The following ARHGAP11B variants were observed in gnomAD, a reference collection of about 807,000 sequenced individuals.
ARHGAP11B encodes the protein inactive Rho GTPase-activating protein 11B.
In ARHGAP11B, 14 loss-of-function variants were observed where a neutral mutation model predicts 27.6. The ratio of observed to expected loss-of-function variants is 0.51; its 90% CI spans 0.34 to 0.79. The LOEUF is 0.79. Ranked by LOEUF, ARHGAP11B falls within the 30% of genes least tolerant of loss-of-function variation. ARHGAP11B has a pLI of 0.02. For missense variants in ARHGAP11B, 245 were observed against 320.1 expected (o/e 0.77, Z 1.79); for synonymous variants, 82 against 114.1 (o/e 0.72, Z 1.80).
intron 6 of ARHGAP11B, among the ~76,000 whole-genome samples, chr15:30,637,992 G>A (rs1023944598): frequency 4.6e-5 from 7 of 151,504 alleles, no homozygotes; most frequent in African/African-American, 1.7e-4. Context: ...GCTAATTTTT[G>A]TATATGTAGT....
chr15:30,642,196 T>A (rs1166457089), intron 7 of ARHGAP11B, among the ~76,000 whole-genome samples: 1 of 152,026 alleles, frequency 6.6e-6, no homozygotes, highest in Non-Finnish European at 1.5e-5. Context: ...GGAAACTTTG[T>A]GAATTCTTTA....
chr15:30,629,036 T>A lies in ARHGAP11B; in HGVS notation c.130-1667T>A, dbSNP rs532506866. Reference sequence around the variant, plus strand: ...GGGGTTGCCCATACTAACATTTTTTTAAATAGTTCAGCTTAAAATGATGAT... The same window carrying A: ...GGGGTTGCCCATACTAACATTTTTTAAAATAGTTCAGCTTAAAATGATGAT... On this transcript the variant is annotated intron_variant, in intron 1 of 10. Transcript: ENST00000428041. Among the ~76,000 whole-genome samples the A allele has an allele frequency of 2.4e-3, 361 of 152,224 alleles. 1 individual carries two copies. Among genetic ancestry groups the A allele is most frequent in the African/African-American group, 7.2e-3 (301 of 41,562 alleles).
intron 2 of ARHGAP11B, among the ~76,000 whole-genome samples, chr15:30,632,647 A>T (rs1193033833): frequency 1.3e-5 from 2 of 151,090 alleles, no homozygotes; most frequent in African/African-American, 2.4e-5. Flanking sequence ...TGTGGGTCCC[A>T]GCTGTTCAAT....
intron 6 of ARHGAP11B, among the ~76,000 whole-genome samples, chr15:30,637,984 T>G (rs1216360643): frequency 1.3e-5 from 2 of 151,688 alleles, no homozygotes; most frequent in Non-Finnish European, 2.9e-5. Flanking sequence ...CATGCCTGGC[T>G]AATTTTTGTA....
chr15:30,635,188 G>T, exon 5 of ARHGAP11B: 2 of 1,613,008 alleles, frequency 1.2e-6, no homozygotes, highest in Non-Finnish European at 1.7e-6. Flanking sequence ...CAGAAAAGAA[G>T]GTACGATTAC....
At chr15:30,638,913 A>G (rs2060298326) in intron 7 of ARHGAP11B, 103 bp downstream of exon 7, 1 of 655,580 alleles carries the variant, frequency 1.5e-6, no homozygotes, top group African/African-American at 1.9e-5. Context: ...CTTAGTAATC[A>G]AATTTAGTTT....
At chr15:30,637,418 A>T (rs1567514955) in intron 6 of ARHGAP11B, among the ~76,000 whole-genome samples, 1 of 152,026 alleles carries the variant, frequency 6.6e-6, no homozygotes. Context: ...CTATCTCCAT[A>T]GTGTTTATTG....
At chr15:30,631,557 A>ACTCCTGAAG (rs1390353516) in intron 2 of ARHGAP11B, among the ~76,000 whole-genome samples, 2 of 151,832 alleles carry the variant, frequency 1.3e-5, no homozygotes, top group Non-Finnish European at 2.9e-5. Flanking sequence ...AGTCCCAGCT[A>ACTCCTGAAG]CTCCTGAAGC....
chr15:30,645,750 C>G (rs887994405), intron 8 of ARHGAP11B, among the ~76,000 whole-genome samples: 8 of 151,942 alleles, frequency 5.3e-5, no homozygotes, highest in African/African-American at 1.9e-4. Context: ...GGGATTTGTG[C>G]TTTTCTCAAT....
intron 1 of ARHGAP11B, among the ~76,000 whole-genome samples, chr15:30,627,382 C>T (rs2060216571): frequency 6.6e-6 from 1 of 151,994 alleles, no homozygotes; most frequent in Non-Finnish European, 1.5e-5. Context: ...GACAAAAACT[C>T]TACCCCTCCA....
At chr15:30,631,577 T>G (rs79623023) in intron 2 of ARHGAP11B, among the ~76,000 whole-genome samples, 32 of 151,340 alleles carry the variant, frequency 2.1e-4, no homozygotes, top group African/African-American at 7.3e-4. Flanking sequence ...CTGAGGCAGA[T>G]GATTGTTTGA....
chr15:30,642,862 G>C (rs924919395), intron 7 of ARHGAP11B, among the ~76,000 whole-genome samples: 3 of 151,972 alleles, frequency 2.0e-5, no homozygotes, highest in Non-Finnish European at 2.9e-5. Context: ...AGCTGAGTTG[G>C]GTTATTTGAC....
rs918809409 is a variant in ARHGAP11B, at chr15:30,627,566, AT to A, written c.129+628del. On this transcript the variant is annotated intron_variant, in intron 1 of 10. Coordinates refer to ENST00000428041, the Ensembl canonical transcript of ARHGAP11B. ...GCCATATCATACTTTTGGGACAGCA[AT>A]TTTTTTTTTTGTATGAGTAAATTGA... 2.6e-4 allele frequency among the ~76,000 whole-genome samples: 38 copies of A among 147,912 alleles called. 2 individuals carry two copies. The highest frequency in any genetic ancestry group is 4.9e-4 in the African/African-American group (20 of 40,642).
chr15:30,636,220 G>A (rs1216883753), intron 6 of ARHGAP11B, among the ~76,000 whole-genome samples: 1 of 151,952 alleles, frequency 6.6e-6, no homozygotes, highest in African/African-American at 2.4e-5. Flanking sequence ...ATTGAGACTT[G>A]GAAGTAGGGA....
At position 30,633,660 on chromosome 15, in the gene ARHGAP11B, G is replaced by T. The variant is rs1445106727; in HGVS notation, c.297+74G>T. ...TTGGTTTTTAAAACTGAAATATTTA[G>T]AACTATTAATATGAATAGTTGACAG... On this transcript the variant is annotated intron_variant, in intron 3 of 10. Coordinates refer to ENST00000428041, the Ensembl canonical transcript of ARHGAP11B. 4 of 1,314,818 alleles carry T rather than the reference G, an allele frequency of 3.0e-6. No homozygotes were observed. In the Admixed American group the frequency reaches 6.8e-5, roughly 22 times the overall value. The allele number at this position is 1,314,818 out of a possible 1,614,324, so 81.4% of individuals were successfully genotyped here.
intron 8 of ARHGAP11B, among the ~76,000 whole-genome samples, chr15:30,645,918 T>C (rs1279818837): frequency 1.3e-5 from 2 of 152,090 alleles, no homozygotes; most frequent in Admixed American, 6.6e-5. Context: ...TTAAAAAGTT[T>C]CCATGTGTAG....
chr15:30,640,006 G>GTGTT (rs1359022833), intron 7 of ARHGAP11B, among the ~76,000 whole-genome samples: 1 of 150,572 alleles, frequency 6.6e-6, no homozygotes, highest in Non-Finnish European at 1.5e-5. Context: ...GTGTGTGTGT[G>GTGTT]TGTGTGTTAT....
chr15:30,647,645 T>G (rs1274219952), intron 9 of ARHGAP11B: 1 of 179,916 alleles, frequency 5.6e-6, no homozygotes, highest in African/African-American at 2.4e-5. Flanking sequence ...TTTCTTTTTT[T>G]ATATTTAAAT....
In ARHGAP11B at chr15:30,643,033, C is replaced by T. The variant is rs574838084; in HGVS notation, c.*79-1606C>T. Among the ~76,000 whole-genome samples the T allele has an allele frequency of 8.4e-4, 128 of 151,884 alleles. 2 individuals are homozygous for T. Among genetic ancestry groups the T allele is most frequent in the South Asian group, 3.5e-3 (17 of 4,814 alleles). ...TCTGTGTAATGATGGTGTGCAGTAC[C>T]CTGATTGCTCCTTTTACATTCTTTC... On this transcript the variant is annotated intron_variant, in intron 7 of 10. Transcript: ENST00000428041.
Sources: gnomAD v4.1 joint callset for allele counts (sites outside exome capture counted in the v4.1 genomes callset) on GRCh38, gnomAD v4.1.1 for gene constraint, MANE v1.5 for transcripts, NCBI Gene and HGNC (gene_info 2026-07-23, HGNC 2026-07-21) for gene names.